DNM3: variants seen among roughly 807,000 people sequenced by gnomAD.
DNM3 encodes dynamin-3.
DNM3 carries 47 observed loss-of-function variants against 101.6 expected under a neutral mutation model. The ratio of observed to expected loss-of-function variants is 0.46; its 90% CI spans 0.37 to 0.59. The LOEUF (loss-of-function observed/expected upper bound fraction) is 0.59, where lower values mean the gene tolerates loss of function less well. DNM3 is among the 20% of genes least tolerant of loss of function. DNM3 has a pLI of 0.00. For missense variants in DNM3, 849 were observed against 1,085.7 expected, an observed-to-expected ratio of 0.78 and a Z score of 3.06; for synonymous variants, 385 against 387.9, an observed-to-expected ratio of 0.99 and a Z score of 0.09.
intron 7 of DNM3, among the ~76,000 whole-genome samples, chr1:172,040,704 G>A (rs1296988716): frequency 1.3e-5 from 2 of 152,144 alleles, no homozygotes; most frequent in African/African-American, 4.8e-5. Context: ...CAGAGGAGGG[G>A]CGATGAGGAG....
At chr1:171,884,434 G>T (rs527931257) in intron 1 of DNM3, among the ~76,000 whole-genome samples, 1 of 152,098 alleles carries the variant, frequency 6.6e-6, no homozygotes, top group Non-Finnish European at 1.5e-5. Context: ...TACAGCCTTC[G>T]CACTGTCTTA....
chr1:172,326,687 A>AT (rs1406739593), intron 17 of DNM3, among the ~76,000 whole-genome samples: 1 of 152,078 alleles, frequency 6.6e-6, no homozygotes, highest in Non-Finnish European at 1.5e-5. Context: ...TCAGTTAAAT[A>AT]TTTTTGATAT....
intron 1 of DNM3, among the ~76,000 whole-genome samples, chr1:171,903,961 T>C (rs1373218188): frequency 5.9e-5 from 9 of 152,214 alleles, no homozygotes; most frequent in East Asian, 5.8e-4. Flanking sequence ...AGAAGTATAA[T>C]TGGGAAAGAA....
Position 172,412,105 on chromosome 1 carries a change from G to A in DNM3, c.*4264G>A. 1 of 985,624 alleles carries A rather than the reference G, an allele frequency of 1.0e-6. No homozygotes were observed. Among genetic ancestry groups the A allele is most frequent in the Non-Finnish European group, 1.2e-6 (1 of 829,826 alleles). The allele number at this position is 985,624 out of a possible 1,614,324, so 61.1% of individuals were successfully genotyped here. A position where few individuals can be genotyped will look rare whatever the true frequency, so the allele number is the denominator to read the frequency against. On this transcript the variant is annotated 3_prime_UTR_variant, in exon 21 of 21. Transcript: ENST00000627582. ...TGTGTATGTGTGAGAGCAAGAGAGA[G>A]GAAACTCAAAGAGGAGTGTTTGTCT...
chr1:172,338,762 T>C, intron 17 of DNM3: 1 of 469,136 alleles, frequency 2.1e-6, no homozygotes, highest in Non-Finnish European at 4.3e-6. Flanking sequence ...CATATCTCTT[T>C]GTACTTTTCT....
chr1:172,095,897 CA>C (rs764321124), intron 13 of DNM3, among the ~76,000 whole-genome samples: 77 of 152,266 alleles, frequency 5.1e-4, no homozygotes, highest in Admixed American at 9.2e-4. Flanking sequence ...CTGGACTGCT[CA>C]AAAATTTAAA....
chr1:172,358,757 G>C (rs555749566), intron 17 of DNM3, among the ~76,000 whole-genome samples: 1 of 152,160 alleles, frequency 6.6e-6, no homozygotes, highest in African/African-American at 2.4e-5. Flanking sequence ...GATAAAATAA[G>C]TTGTAGAAGT....
chr1:172,323,536 G>A (rs2065818754), intron 17 of DNM3, among the ~76,000 whole-genome samples, 196 bp downstream of exon 17: 1 of 152,146 alleles, frequency 6.6e-6, no homozygotes. Context: ...TGACTTTTGG[G>A]AAGGGAAACA....
chr1:172,397,570 T>C (rs944305153), intron 20 of DNM3, among the ~76,000 whole-genome samples: 1 of 152,206 alleles, frequency 6.6e-6, no homozygotes, highest in Non-Finnish European at 1.5e-5. Flanking sequence ...GCTTGATTCA[T>C]TTTAATATTT....
chr1:171,901,792 A>G (rs773753604), intron 1 of DNM3, among the ~76,000 whole-genome samples: 3 of 152,228 alleles, frequency 2.0e-5, no homozygotes, highest in Non-Finnish European at 2.9e-5. Context: ...TGCCAACTGC[A>G]TTTTATAGTT....
chr1:172,100,737 A>C (rs889450598), intron 13 of DNM3, among the ~76,000 whole-genome samples: 1 of 152,190 alleles, frequency 6.6e-6, no homozygotes, highest in African/African-American at 2.4e-5. Flanking sequence ...GATAGAATCG[A>C]GCACTATTTA....
intron 14 of DNM3, among the ~76,000 whole-genome samples, chr1:172,182,803 A>G (rs922449792): frequency 1.6e-4 from 25 of 152,246 alleles, no homozygotes; most frequent in Non-Finnish European, 2.6e-4. Context: ...CCAATCTTTT[A>G]TACCATTGCA....
At chr1:172,218,342 T>G (rs1010522393) in intron 14 of DNM3, among the ~76,000 whole-genome samples, 6 of 149,848 alleles carry the variant, frequency 4.0e-5, no homozygotes, top group African/African-American at 1.5e-4. Flanking sequence ...ACATGAAGAT[T>G]TTTTTTTTTA....
intron 14 of DNM3, among the ~76,000 whole-genome samples, chr1:172,236,936 C>T (rs567702212): frequency 6.6e-6 from 1 of 152,244 alleles, no homozygotes; most frequent in Non-Finnish European, 1.5e-5. Flanking sequence ...TCCTCTTCCT[C>T]TTCCTCTATC....
At chr1:172,211,692 G>A (rs985418395) in intron 14 of DNM3, among the ~76,000 whole-genome samples, 10 of 152,088 alleles carry the variant, frequency 6.6e-5, no homozygotes, top group African/African-American at 2.2e-4. Flanking sequence ...ACATTGATGG[G>A]TTAGATGAAC....
rs149349915 is a variant in DNM3, at chr1:171,903,386, A to G, written c.162-18362A>G. On this transcript the variant is annotated intron_variant, in intron 1 of 20. Transcript: ENST00000627582. Reference sequence around the variant, plus strand: ...ACCATTTTGAATTTTATTTTTCTGTATGTATTTTTTTCCATTTAAATTTAT... The same window carrying G: ...ACCATTTTGAATTTTATTTTTCTGTGTGTATTTTTTTCCATTTAAATTTAT... Among the ~76,000 whole-genome samples the G allele has an allele frequency of 2.6e-4, 39 of 152,230 alleles. No homozygotes were observed. The East Asian group carries it at 6.4e-3, about 25-fold the overall frequency.
intron 14 of DNM3, among the ~76,000 whole-genome samples, chr1:172,161,596 A>C (rs2058547092): frequency 6.6e-6 from 1 of 152,062 alleles, no homozygotes; most frequent in Non-Finnish European, 1.5e-5. Flanking sequence ...GAGGGGTACC[A>C]CAAATGAGCA....
At chr1:172,210,341 C>G (rs1232250100) in intron 14 of DNM3, among the ~76,000 whole-genome samples, 1 of 73,418 alleles carries the variant, frequency 1.4e-5, no homozygotes, top group Non-Finnish European at 2.6e-5. Flanking sequence ...TTTTTTTTGC[C>G]TGTTTGCGTT....
At chr1:172,033,521 G>A (rs75874321) in intron 6 of DNM3, among the ~76,000 whole-genome samples, 7,288 of 151,928 alleles carry the variant, frequency 0.048, 187 homozygotes, top group African/African-American at 0.077. Context: ...CAGTGAACAG[G>A]GATATACATT....
Sources: allele counts gnomAD v4.1 joint callset (sites outside exome capture counted in the v4.1 genomes callset), GRCh38; gene constraint gnomAD v4.1.1; transcripts MANE v1.5; gene names NCBI Gene and HGNC (gene_info 2026-07-23, HGNC 2026-07-21).